Variants in MYDGF observed in about 807,000 individuals in gnomAD.
MYDGF encodes myeloid-derived growth factor.
A neutral mutation model predicts 24.2 loss-of-function variants in MYDGF; 29 were observed. The observed-to-expected ratio is 1.20, with a 90% CI of 0.89 to 1.63. The LOEUF is 1.63. Among genes scored for constraint, MYDGF ranks in the 40% most tolerant of loss-of-function variants. MYDGF has a pLI of 0.00. For missense variants in MYDGF, 245 were observed against 234.8 expected, an observed-to-expected ratio of 1.04 and a Z score of -0.29; for synonymous variants, 105 against 102.5, an observed-to-expected ratio of 1.02 and a Z score of -0.15.
chr19:4,665,731 G>A (rs1231452704), intron 2 of MYDGF, among the ~76,000 whole-genome samples: 1 of 144,806 alleles, frequency 6.9e-6, no homozygotes, highest in African/African-American at 2.5e-5. Context: ...TAAGGCAGGA[G>A]AATGGCGTGT....
intron 3 of MYDGF, among the ~76,000 whole-genome samples, chr19:4,661,449 C>T (rs928791962): frequency 2.0e-5 from 3 of 152,202 alleles, no homozygotes; most frequent in Admixed American, 1.3e-4. Flanking sequence ...AAAGGCTTCT[C>T]AGAGGGCATT....
chr19:4,663,396 TAC>T lies in MYDGF; in HGVS notation c.287+1478_287+1479del, dbSNP rs57543832. Among the ~76,000 whole-genome samples, 412 of 131,770 alleles carry T rather than the reference TAC, an allele frequency of 3.1e-3. 3 individuals are homozygous for T. The highest frequency in any genetic ancestry group is 4.5e-3 in the Non-Finnish European group (275 of 61,678). 86.4% of individuals were successfully genotyped at this position (131,770 alleles called of 152,430 possible). ...CTCCCCACCTACCCCATCCTCATTC[TAC>T]ACAGCCTCCAATCTGTGCCCTCTCC... On this transcript the variant is annotated intron_variant, in intron 3 of 5. Coordinates refer to ENST00000262947, the MANE Select transcript of MYDGF (RefSeq NM_019107.4).
In MYDGF at chr19:4,657,944, G is replaced by C; in HGVS notation, c.*61C>G. 1 of 1,462,074 alleles carries C rather than the reference G, an allele frequency of 6.8e-7. No individual in the cohort carries two copies. Among genetic ancestry groups the C allele is most frequent in the Non-Finnish European group, 9.3e-7 (1 of 1,074,650 alleles). The allele number at this position is 1,462,074 out of a possible 1,614,324, so 90.6% of individuals were successfully genotyped here. Reference sequence around the variant, plus strand: ...CCAGTGATGTGCTGGCCCTTTCAGGGACACAGGCCCCTTCAGCTTCACCGG... The same window carrying C: ...CCAGTGATGTGCTGGCCCTTTCAGGCACACAGGCCCCTTCAGCTTCACCGG... On this transcript the variant is annotated 3_prime_UTR_variant, in exon 6 of 6. Coordinates refer to ENST00000262947, the MANE Select transcript of MYDGF (RefSeq NM_019107.4).
intron 3 of MYDGF, among the ~76,000 whole-genome samples, chr19:4,662,349 C>T (rs959830387): frequency 1.3e-5 from 2 of 152,208 alleles, no homozygotes; most frequent in African/African-American, 2.4e-5. Flanking sequence ...GAAATACCCA[C>T]TGTTTGGGCT....
chr19:4,659,564 G>A (rs1015200290), intron 5 of MYDGF: 2 of 421,340 alleles, frequency 4.7e-6, no homozygotes, highest in Non-Finnish European at 4.2e-6. Context: ...GTCTCGCTAT[G>A]TTGCCCAGGC....
intron 5 of MYDGF, 74 bp from the exon 6 acceptor site, chr19:4,658,158 C>T: frequency 7.3e-7 from 1 of 1,372,498 alleles, no homozygotes; most frequent in Middle Eastern, 1.8e-4. Flanking sequence ...TGGGGTGGGG[C>T]CCATGGTGGG....
intron 4 of MYDGF, 135 bp downstream of exon 4, chr19:4,660,534 C>A (rs1256981192): frequency 7.5e-6 from 6 of 796,242 alleles, no homozygotes; most frequent in Non-Finnish European, 1.2e-5. Flanking sequence ...CTGCAAGTTA[C>A]ACACCCTACC....
At chr19:4,665,286 G>A (rs1305928181) in intron 2 of MYDGF, among the ~76,000 whole-genome samples, 2 of 152,148 alleles carry the variant, frequency 1.3e-5, no homozygotes, top group African/African-American at 4.8e-5. Context: ...GCAGTGGCAC[G>A]ATCTCGCCTC....
In MYDGF at chr19:4,658,008, C is replaced by A; in HGVS notation, c.519G>T (p.Leu173=). The change falls in exon 6 of 6, where the codon CTG becomes CTT. Residue 173 remains leucine (L), a synonymous_variant. Transcript: ENST00000262947. ...CCACCCGCAACAGGGCTGCTGGTCA[C>A]AGCTCAGTGCGCGATGCCTTGGCCA... ...VIVAKASRTE[L] 1 of 1,609,136 alleles carries A rather than the reference C, an allele frequency of 6.2e-7. No individual in the cohort carries two copies. The highest frequency in any genetic ancestry group is 8.5e-7 in the Non-Finnish European group (1 of 1,178,548).
At chr19:4,666,618 G>A (rs748952642) in intron 2 of MYDGF, among the ~76,000 whole-genome samples, 4 of 152,056 alleles carry the variant, frequency 2.6e-5, no homozygotes, top group Non-Finnish European at 4.4e-5. Context: ...TCCCACTTCT[G>A]GGTGGTTTTC....
intron 4 of MYDGF, 142 bp downstream of exon 4, chr19:4,660,527 C>T: frequency 1.3e-6 from 1 of 740,958 alleles, no homozygotes; most frequent in South Asian, 1.8e-5. Flanking sequence ...CAGGTTCCTG[C>T]AAGTTACACA....
chr19:4,663,057 C>T (rs2088482702), intron 3 of MYDGF, among the ~76,000 whole-genome samples: 1 of 150,928 alleles, frequency 6.6e-6, no homozygotes. Flanking sequence ...AGCCTCCAAT[C>T]TACTCTCCCC....
intron 5 of MYDGF, 108 bp from the exon 6 acceptor site, chr19:4,658,192 T>C: frequency 1.1e-6 from 1 of 878,692 alleles, no homozygotes; most frequent in Non-Finnish European, 1.7e-6. Context: ...AGGGGAGCAG[T>C]CTCCAAAGCA....
chr19:4,660,640 C>A, intron 4 of MYDGF, 29 bp downstream of exon 4: 2 of 1,600,874 alleles, frequency 1.2e-6, no homozygotes, highest in Non-Finnish European at 1.7e-6. Context: ...AAGCCACACC[C>A]GGAGCCTGCC....
chr19:4,670,186 G>C lies in MYDGF; in HGVS notation c.149C>G (p.Ser50Cys), dbSNP rs1477596218. 1 of 1,556,436 alleles carries C rather than the reference G, an allele frequency of 6.4e-7. No homozygotes were observed. The highest frequency in any genetic ancestry group is 1.9e-5 in the Admixed American group (1 of 51,828). ...FDVRPGGVVHSFSHNVGPGDK... is the reference protein window; with the variant it reads ...FDVRPGGVVHCFSHNVGPGDK... ...CCCCGGGCCCACGTTATGGGAGAAG[G>C]AATGCACGACGCCGCCGGGCCGCAC... Residue 50 changes from serine (S) to cysteine (C), a missense_variant, in exon 1 of 6, where the codon TCC becomes TGC. Coordinates refer to ENST00000262947, the MANE Select transcript of MYDGF (RefSeq NM_019107.4).
chr19:4,659,473 C>T (rs10409369), intron 5 of MYDGF, among the ~76,000 whole-genome samples: 3,189 of 152,162 alleles, frequency 0.021, 115 homozygotes, highest in African/African-American at 0.074. Flanking sequence ...TTCCGCCCGC[C>T]TCGTCCTCCC....
intron 2 of MYDGF, among the ~76,000 whole-genome samples, chr19:4,665,252 T>G (rs2088511696): frequency 6.6e-6 from 1 of 152,174 alleles, no homozygotes; most frequent in Non-Finnish European, 1.5e-5. Flanking sequence ...AGATGGAGTC[T>G]CTCTCTGTGG....
intron 3 of MYDGF, among the ~76,000 whole-genome samples, chr19:4,662,851 C>T (rs1274334293): frequency 6.6e-6 from 1 of 152,012 alleles, no homozygotes; most frequent in Non-Finnish European, 1.5e-5. Flanking sequence ...ACACCTGCCA[C>T]CTGCCTAGCT....
intron 5 of MYDGF, 60 bp from the exon 6 acceptor site, chr19:4,658,144 G>C: frequency 6.7e-7 from 1 of 1,481,680 alleles, no homozygotes; most frequent in Admixed American, 2.0e-5. Flanking sequence ...AAGTCCGGAG[G>C]ATTTGGGGTG....
Sources: gnomAD v4.1 joint callset for allele counts (sites outside exome capture counted in the v4.1 genomes callset) on GRCh38, gnomAD v4.1.1 for gene constraint, MANE v1.5 for transcripts, NCBI Gene and HGNC (gene_info 2026-07-23, HGNC 2026-07-21) for gene names.